ANKRD36: variants seen among roughly 807,000 people sequenced by gnomAD.
ANKRD36 encodes the protein ankyrin repeat domain 36.
In ANKRD36, 179 loss-of-function variants were observed where a neutral mutation model predicts 278.1. The ratio of observed to expected loss-of-function variants is 0.64; its 90% CI spans 0.57 to 0.73. The LOEUF (loss-of-function observed/expected upper bound fraction) is 0.73. ANKRD36 is among the 30% of genes least tolerant of loss of function. The probability of loss-of-function intolerance (pLI) is 0.00; values close to 1 mark genes in which losing one functional copy is unlikely to be tolerated. For missense variants in ANKRD36, 1,159 were observed against 1,956.7 expected (o/e 0.59, Z 7.69); for synonymous variants, 320 against 641.1 (o/e 0.50, Z 7.57).
chr2:97,166,843 A>G (rs1271761354), intron 20 of ANKRD36, among the ~76,000 whole-genome samples: 2 of 152,206 alleles, frequency 1.3e-5, no homozygotes, highest in Non-Finnish European at 2.9e-5. Flanking sequence ...AAGCAAAACA[A>G]TCAAGAAATA....
intron 51 of ANKRD36, 31 bp from the exon 52 acceptor site, chr2:97,206,032 T>G (rs780717212): frequency 5.8e-6 from 9 of 1,543,052 alleles, no homozygotes; most frequent in South Asian, 1.2e-5. Flanking sequence ...ATACTTTATT[T>G]ATTTATTATT....
chr2:97,125,237 T>C (rs2038247446), intron 5 of ANKRD36, among the ~76,000 whole-genome samples: 1 of 151,748 alleles, frequency 6.6e-6, no homozygotes, highest in South Asian at 2.1e-4. Flanking sequence ...TCAATCTTCA[T>C]GTTGATCCAT....
intron 67 of ANKRD36, among the ~76,000 whole-genome samples, chr2:97,229,910 A>C (rs1032258460): frequency 1.3e-5 from 2 of 152,000 alleles, no homozygotes; most frequent in Non-Finnish European, 2.9e-5. Context: ...TTAGTTTGGC[A>C]GGATATGAAA....
At chr2:97,212,766 G>T (rs1366457985) in intron 58 of ANKRD36, 1 of 167,654 alleles carries the variant, frequency 6.0e-6, no homozygotes, top group Non-Finnish European at 1.3e-5. Context: ...TTGGTGCCAT[G>T]AGTGGATGAA....
intron 67 of ANKRD36, among the ~76,000 whole-genome samples, chr2:97,226,841 T>G (rs1306498005): frequency 3.3e-5 from 5 of 151,700 alleles, no homozygotes; most frequent in Non-Finnish European, 7.3e-5. Flanking sequence ...GCTTTCTACA[T>G]ATGGCTAGCC....
chr2:97,199,096 A>G (rs553968929), intron 44 of ANKRD36, among the ~76,000 whole-genome samples: 21 of 151,270 alleles, frequency 1.4e-4, no homozygotes, highest in African/African-American at 4.9e-4. Flanking sequence ...TGTAGCAACT[A>G]TTTTCCTAAG....
chr2:97,263,279 A>G (rs1045175663), intron 75 of ANKRD36, among the ~76,000 whole-genome samples: 6 of 127,182 alleles, frequency 4.7e-5, no homozygotes, highest in Admixed American at 8.7e-5. Flanking sequence ...CCCACAAGCA[A>G]TGAATGAAGT....
At chr2:97,232,132 A>G (rs1452735907) in intron 67 of ANKRD36, among the ~76,000 whole-genome samples, 1 of 152,034 alleles carries the variant, frequency 6.6e-6, no homozygotes. Context: ...ATAGATTAAG[A>G]AGTTTGATAT....
At chr2:97,132,532 C>G (rs2923965) in intron 6 of ANKRD36, among the ~76,000 whole-genome samples, 1 of 149,606 alleles carries the variant, frequency 6.7e-6, no homozygotes, top group Non-Finnish European at 1.5e-5. Context: ...CAAAGGCAAC[C>G]GTTAAGGAGA....
chr2:97,123,955 ATT>A (rs1260180510), intron 4 of ANKRD36, among the ~76,000 whole-genome samples: 3 of 93,380 alleles, frequency 3.2e-5, no homozygotes, highest in African/African-American at 9.0e-5. Context: ...TATCCTCCAT[ATT>A]TATATATATA....
rs776321860 is a variant in ANKRD36, at chr2:97,190,945, A to T, written c.2246-33A>T. 1.4e-5 allele frequency: 22 copies of T among 1,600,090 alleles called. 1 individual carries two copies. In the Admixed American group the frequency reaches 2.2e-4, roughly 16 times the overall value. On this transcript the variant is annotated intron_variant, in intron 34 of 75. Transcript: ENST00000420699. The stretch of plus-strand genomic sequence containing the variant: ...ATGGATAACTTTATCATGTTTATAT[A>T]TGAGTGATTATGTATCCCTTTTTGC...
At chr2:97,220,051 CTGTGTGTGTGTGTGTGTGTGTGTGTG>C (rs71274689) in intron 66 of ANKRD36, among the ~76,000 whole-genome samples, 1 of 111,218 alleles carries the variant, frequency 9.0e-6, no homozygotes, top group Admixed American at 8.9e-5. Context: ...GATTAGCACA[CTGTGTGTGTGTGTGTGTGTGTGTGTG>C]TGTGTGTGTT....
At chr2:97,243,396 G>A (rs1200569692) in intron 69 of ANKRD36, among the ~76,000 whole-genome samples, 1 of 111,690 alleles carries the variant, frequency 9.0e-6, no homozygotes, top group African/African-American at 2.7e-5. Context: ...ATAAATGATT[G>A]TGGGGACCAA....
intron 22 of ANKRD36, among the ~76,000 whole-genome samples, chr2:97,170,279 G>T (rs1010262692): frequency 1.3e-5 from 2 of 151,804 alleles, no homozygotes; most frequent in African/African-American, 2.4e-5. Flanking sequence ...ATTAACGGAG[G>T]CATCACACTA....
chr2:97,166,242 A>C (rs1030975059), intron 20 of ANKRD36, among the ~76,000 whole-genome samples: 9 of 151,928 alleles, frequency 5.9e-5, no homozygotes, highest in Admixed American at 2.6e-4. Flanking sequence ...CTCATGTAAA[A>C]TAAAGCCGTA....
rs1486775917 is a variant in ANKRD36 at position 97,191,161 on chromosome 2, A to T, written c.2327A>T (p.Asp776Val). ...TCGAACATAGCCACAGAAATAAAGGATGGAGAAAAATCTGGGACAGGTAAT... is the reference window on the plus strand; with the variant it reads ...TCGAACATAGCCACAGAAATAAAGGTTGGAGAAAAATCTGGGACAGGTAAT... ...SVSNIATEIK[D>V]GEKSGTVSSQ... Residue 776 changes from aspartate (D) to valine (V), a missense_variant, in exon 36 of 76, where the codon GAT becomes GTT. By Grantham distance (152) the Asp-to-Val change is radical. Coordinates refer to ENST00000420699, the MANE Select transcript of ANKRD36 (RefSeq NM_001354587.1). 1.9e-6 allele frequency: 3 copies of T among 1,595,606 alleles called. No individual in the cohort carries two copies. Among genetic ancestry groups the T allele is most frequent in the Non-Finnish European group, 2.6e-6 (3 of 1,170,682 alleles).
intron 6 of ANKRD36, among the ~76,000 whole-genome samples, chr2:97,133,658 C>T (rs1240762631): frequency 1.3e-5 from 2 of 151,694 alleles, no homozygotes; most frequent in African/African-American, 4.8e-5. Flanking sequence ...AGAGAATATT[C>T]ATATTGTGTT....
At chr2:97,220,944 C>G (rs2067464069) in intron 66 of ANKRD36, among the ~76,000 whole-genome samples, 1 of 97,956 alleles carries the variant, frequency 1.0e-5, no homozygotes, top group African/African-American at 4.7e-5. Context: ...GACCCCACCA[C>G]AGTCCCCAGA....
rs1192589774 is a variant in ANKRD36 at position 97,113,164 on chromosome 2, AGCTGCAGT to A, written c.-573_-566del. Among the ~76,000 whole-genome samples the A allele has an allele frequency of 6.6e-6, 1 of 152,084 alleles. No homozygotes were observed. The highest frequency in any genetic ancestry group is 1.5e-5 in the Non-Finnish European group (1 of 68,000). The stretch of plus-strand genomic sequence containing the variant: ...CCCCGCCAGCCCCCGCCGGAGCCCG[AGCTGCAGT>A]GCCGCCTACAAGTGGTGCGCTGGCT... On this transcript the variant is annotated 5_prime_UTR_variant, in exon 1 of 76. Transcript: ENST00000420699.
Sources: allele counts gnomAD v4.1 joint callset (sites outside exome capture counted in the v4.1 genomes callset), GRCh38; gene constraint gnomAD v4.1.1; transcripts MANE v1.5; gene names NCBI Gene and HGNC (gene_info 2026-07-23, HGNC 2026-07-21).